The following WDFY4 variants were observed in gnomAD, a reference collection of about 807,000 sequenced individuals.
WDFY4 encodes WDFY family member 4.
WDFY4 carries 169 observed loss-of-function variants against 351.9 expected under a neutral mutation model. The ratio of observed to expected loss-of-function variants is 0.48; its 90% confidence interval spans 0.42 to 0.55. The LOEUF (loss-of-function observed/expected upper bound fraction) is 0.55. Ranked by LOEUF, WDFY4 falls within the 20% of genes least tolerant of loss-of-function variation. The pLI is 0.00. For synonymous variants in WDFY4, 1,622 were observed against 1,574.6 expected, an observed-to-expected ratio of 1.03 and a Z score of -0.71; for missense variants, 3,803 against 3,935.6, an observed-to-expected ratio of 0.97 and a Z score of 0.90.
At chr10:48,760,074 G>T (rs1565167516) in intron 12 of WDFY4, among the ~76,000 whole-genome samples, 1 of 152,116 alleles carries the variant, frequency 6.6e-6, no homozygotes, top group Non-Finnish European at 1.5e-5. Context: ...GAAAACCAGG[G>T]AACTAACTTC....
At chr10:48,883,855 G>C (rs1017843855) in intron 43 of WDFY4, 1 of 152,216 alleles carries the variant, frequency 6.6e-6, no homozygotes, top group African/African-American at 2.4e-5. Flanking sequence ...TGCCTCTAGT[G>C]ATACCTGGGA....
chr10:48,803,290 G>A lies in WDFY4; in HGVS notation c.4415G>A (p.Trp1472Ter). 6.4e-7 allele frequency: 1 copy of A among 1,551,894 alleles called. No homozygotes were observed. The highest frequency in any genetic ancestry group is 8.7e-7 in the Non-Finnish European group (1 of 1,147,026). Residue 1472 changes from tryptophan (W) to a stop codon, truncating the protein, a stop_gained, in exon 25 of 62, where the codon TGG (tryptophan) becomes TAG (stop). Coordinates refer to ENST00000325239, the MANE Select transcript of WDFY4 (RefSeq NM_001394531.1). LOFTEE classifies it high-confidence loss of function. The part of the protein sequence containing the change: ...FQHILCNFEL[W>*]MNTADNLELS... Reference sequence around the variant, plus strand: ...GTGTTTTGTTTTGTCTTCCAGCTCTGGATGAATACTGCAGACAATCTGGAG... The same window carrying A: ...GTGTTTTGTTTTGTCTTCCAGCTCTAGATGAATACTGCAGACAATCTGGAG...
intron 51 of WDFY4, among the ~76,000 whole-genome samples, chr10:48,954,505 T>G (rs1449662394): frequency 1.3e-5 from 2 of 152,250 alleles, no homozygotes; most frequent in African/African-American, 4.8e-5. Context: ...CATTTGGGTC[T>G]GGACTTTCCT....
At position 48,821,196 on chromosome 10, in the gene WDFY4, C is replaced by A. The variant is rs1315025035; in HGVS notation, c.5824+20C>A. ...TCAGAGGTGAGTGGGGCAACTCGGT[C>A]CCCTCCATTCATGACATGAGGCTGC... On this transcript the variant is annotated intron_variant, in intron 34 of 61. Coordinates refer to ENST00000325239, the MANE Select transcript of WDFY4 (RefSeq NM_001394531.1). 9 of 1,526,122 alleles carry A rather than the reference C, an allele frequency of 5.9e-6. No homozygotes were observed. The South Asian group carries it at 1.1e-4, about 18-fold the overall frequency. The allele number at this position is 1,526,122 out of a possible 1,614,324, so 94.5% of individuals were successfully genotyped here.
chr10:48,774,279 CG>C (rs112909421), intron 13 of WDFY4, among the ~76,000 whole-genome samples, 178 bp from the exon 14 acceptor site: 43,200 of 151,966 alleles, frequency 0.28, 7,120 homozygotes, highest in East Asian at 0.48. Context: ...ACTTGCCCCC[CG>C]CCAGGTGAGG....
At chr10:48,768,669 T>G (rs1339650667) in intron 13 of WDFY4, among the ~76,000 whole-genome samples, 2 of 147,678 alleles carry the variant, frequency 1.4e-5, no homozygotes, top group African/African-American at 5.1e-5. Context: ...GAAACCAAGG[T>G]GAAGAGTCAC....
intron 51 of WDFY4, among the ~76,000 whole-genome samples, chr10:48,950,105 G>T (rs1241059161): frequency 2.0e-5 from 3 of 152,132 alleles, no homozygotes; most frequent in Non-Finnish European, 4.4e-5. Context: ...GTCATTAAGT[G>T]CATACACATG....
intron 47 of WDFY4, among the ~76,000 whole-genome samples, chr10:48,907,755 G>A (rs1354515845): frequency 6.6e-6 from 1 of 152,134 alleles, no homozygotes; most frequent in African/African-American, 2.4e-5. Context: ...GATCTGTAAG[G>A]TACACAAATG....
intron 42 of WDFY4, among the ~76,000 whole-genome samples, chr10:48,876,287 T>A (rs2070005333): frequency 6.6e-6 from 1 of 152,224 alleles, no homozygotes; most frequent in Admixed American, 6.5e-5. Context: ...TGGACCAAAT[T>A]GTAAACAGTG....
chr10:48,751,006 T>C (rs550371058), intron 12 of WDFY4, among the ~76,000 whole-genome samples: 2 of 152,328 alleles, frequency 1.3e-5, no homozygotes, highest in East Asian at 3.9e-4. Flanking sequence ...TCTTGGACTC[T>C]CGTGCCTGGT....
At chr10:48,923,957 C>T (rs770290788) in intron 47 of WDFY4, among the ~76,000 whole-genome samples, 34 of 152,176 alleles carry the variant, frequency 2.2e-4, no homozygotes, top group Non-Finnish European at 4.4e-4. Flanking sequence ...ACAGCCCACC[C>T]ACACTGTGAG....
chr10:48,977,004 G>A, intron 59 of WDFY4, 25 bp downstream of exon 59: 1 of 1,334,978 alleles, frequency 7.5e-7, no homozygotes, highest in Non-Finnish European at 9.7e-7. Flanking sequence ...GGCAGAATGA[G>A]GACATGACAC....
At chr10:48,920,874 T>C (rs1307704353) in intron 47 of WDFY4, among the ~76,000 whole-genome samples, 1 of 152,172 alleles carries the variant, frequency 6.6e-6, no homozygotes, top group Non-Finnish European at 1.5e-5. Context: ...CTATTAACAA[T>C]TGGAAACTGA....
At chr10:48,893,648 G>T (rs1359842454) in intron 44 of WDFY4, among the ~76,000 whole-genome samples, 2 of 152,296 alleles carry the variant, frequency 1.3e-5, no homozygotes, top group South Asian at 4.1e-4. Flanking sequence ...ACTAAATCGG[G>T]TAGAGAGTTT....
chr10:48,862,369 G>A (rs1426936656), intron 39 of WDFY4, among the ~76,000 whole-genome samples: 1 of 152,076 alleles, frequency 6.6e-6, no homozygotes, highest in Admixed American at 6.5e-5. Flanking sequence ...CAACCCCCAG[G>A]CCATGGACCC....
chr10:48,893,106 A>G (rs1836896106), intron 44 of WDFY4, among the ~76,000 whole-genome samples: 1 of 152,162 alleles, frequency 6.6e-6, no homozygotes, highest in Admixed American at 6.5e-5. Context: ...TGCTTCTTTA[A>G]GCTTCTTGTG....
At chr10:48,751,375 C>T (rs2132466261) in intron 12 of WDFY4, among the ~76,000 whole-genome samples, 1 of 152,262 alleles carries the variant, frequency 6.6e-6, no homozygotes, top group South Asian at 2.1e-4. Flanking sequence ...GGACTTTAAG[C>T]TGTAGTAGGG....
intron 29 of WDFY4, 58 bp downstream of exon 29, chr10:48,810,793 A>G: frequency 1.4e-6 from 2 of 1,444,354 alleles, no homozygotes; most frequent in Non-Finnish European, 1.8e-6. Context: ...GATGTGAATG[A>G]GGACCAAGCC....
intron 1 of WDFY4, among the ~76,000 whole-genome samples, chr10:48,698,217 G>T (rs1035198664): frequency 2.6e-5 from 4 of 152,198 alleles, no homozygotes; most frequent in Admixed American, 6.5e-5. Flanking sequence ...CGGAATGCAG[G>T]ACTTGATGCC....
Sources: allele counts gnomAD v4.1 joint callset (sites outside exome capture counted in the v4.1 genomes callset), GRCh38; gene constraint gnomAD v4.1.1; transcripts MANE v1.5; gene names NCBI Gene and HGNC (gene_info 2026-07-23, HGNC 2026-07-21).